The following PCGF5 variants were observed in gnomAD, a reference collection of about 807,000 sequenced individuals.
PCGF5 encodes the protein polycomb group RING finger protein 5.
Under a neutral mutation model 44.3 loss-of-function variants are expected in PCGF5, and 9 were observed. The observed-to-expected ratio is 0.20, with a 90% confidence interval of 0.12 to 0.35. PCGF5 has a LOEUF of 0.35. Among genes scored for constraint, PCGF5 ranks in the 10% least tolerant of loss-of-function variants. The pLI is 1.00. For synonymous variants in PCGF5, 95 were observed against 102.5 expected (o/e 0.93, Z 0.44); for missense variants, 146 against 305.3 (o/e 0.48, Z 3.89).
At chr10:91,169,129 A>G (rs1321934463) in intron 1 of PCGF5, among the ~76,000 whole-genome samples, 1 of 152,044 alleles carries the variant, frequency 6.6e-6, no homozygotes, top group Non-Finnish European at 1.5e-5. Flanking sequence ...GTGCTAGTTC[A>G]CACCAGTTTA....
chr10:91,229,228 C>G (rs1193915412), intron 2 of PCGF5, among the ~76,000 whole-genome samples: 1 of 152,180 alleles, frequency 6.6e-6, no homozygotes, highest in African/African-American at 2.4e-5. Flanking sequence ...CACTGCAACA[C>G]AGCAATAAAT....
chr10:91,226,314 A>AAAG (rs398014421), intron 2 of PCGF5, among the ~76,000 whole-genome samples: 80 of 150,542 alleles, frequency 5.3e-4, no homozygotes, highest in African/African-American at 1.8e-3. Flanking sequence ...AAAAAAAAAA[A>AAAG]TGCTGTTAAG....
intron 2 of PCGF5, among the ~76,000 whole-genome samples, chr10:91,236,644 T>A (rs1032261653): frequency 1.3e-5 from 2 of 152,262 alleles, no homozygotes; most frequent in Admixed American, 6.5e-5. Flanking sequence ...TAAAATGTGC[T>A]GTACTGCTAG....
chr10:91,239,261 T>C (rs917565760), intron 2 of PCGF5, among the ~76,000 whole-genome samples: 1 of 152,154 alleles, frequency 6.6e-6, no homozygotes, highest in Non-Finnish European at 1.5e-5. Flanking sequence ...ACTCCTAATA[T>C]AATGTCTAGC....
At position 91,279,576 on chromosome 10, in the gene PCGF5, A is replaced by C. The variant is rs552026304; in HGVS notation, c.*1260A>C. On this transcript the variant is annotated 3_prime_UTR_variant, in exon 10 of 10. Coordinates refer to ENST00000336126, the MANE Select transcript of PCGF5 (RefSeq NM_032373.5). ...CGTTTTAGGATTAGTCTGCAAGTCA[A>C]AGAAAGTCTTGTTACCTTAAATTAT... 7.9e-5 allele frequency: 12 copies of C among 152,270 alleles called. No individual in the cohort carries two copies. Among genetic ancestry groups the C allele is most frequent in the Admixed American group, 2.0e-4 (3 of 15,306 alleles). The allele number at this position is 152,270 out of a possible 1,614,324, so 9.4% of individuals were successfully genotyped here.
intron 3 of PCGF5, 52 bp downstream of exon 3, chr10:91,240,632 T>A: frequency 8.5e-7 from 1 of 1,179,712 alleles, no homozygotes; most frequent in Non-Finnish European, 1.2e-6. Flanking sequence ...TTGAATAGGC[T>A]CTTAATTTTT....
intron 1 of PCGF5, among the ~76,000 whole-genome samples, chr10:91,205,404 C>T (rs186176201): frequency 6.6e-6 from 1 of 152,310 alleles, no homozygotes; most frequent in Non-Finnish European, 1.5e-5. Flanking sequence ...AATAAAAACA[C>T]ACCCATAGAC....
intron 1 of PCGF5, among the ~76,000 whole-genome samples, chr10:91,208,385 C>T (rs1220395019): frequency 4.6e-5 from 7 of 152,022 alleles, no homozygotes; most frequent in East Asian, 3.9e-4. Context: ...ATACCTAATC[C>T]GGGAGTAAGA....
intron 1 of PCGF5, among the ~76,000 whole-genome samples, chr10:91,198,200 CCA>C (rs1844179407): frequency 6.6e-6 from 1 of 152,240 alleles, no homozygotes; most frequent in East Asian, 1.9e-4. Flanking sequence ...TAAATTGAAC[CCA>C]CAGTCCTTAC....
At chr10:91,187,995 C>T (rs1843957952) in intron 1 of PCGF5, among the ~76,000 whole-genome samples, 1 of 149,928 alleles carries the variant, frequency 6.7e-6, no homozygotes. Flanking sequence ...TATTATTATA[C>T]TTTTAAGTTT....
At chr10:91,211,564 A>T (rs1169779339) in intron 1 of PCGF5, among the ~76,000 whole-genome samples, 1 of 152,198 alleles carries the variant, frequency 6.6e-6, no homozygotes, top group African/African-American at 2.4e-5. Context: ...AAACCAACTT[A>T]GGTATCAGGT....
At position 91,284,243 on chromosome 10, in the gene PCGF5, A is replaced by T. The variant is rs1208016881; in HGVS notation, c.*5927A>T. 2 of 152,568 alleles carry T rather than the reference A, an allele frequency of 1.3e-5. No homozygotes were observed. The highest frequency in any genetic ancestry group is 1.5e-5 in the Non-Finnish European group (1 of 68,038). 9.5% of individuals were successfully genotyped at this position (152,568 alleles called of 1,614,324 possible). A position where few individuals can be genotyped will look rare whatever the true frequency, so the allele number is the denominator to read the frequency against. ...GTTAAAATACAGTATCTTTGTTATT[A>T]AAAATTAAATTGCATAATTTATTAT... On this transcript the variant is annotated 3_prime_UTR_variant, in exon 10 of 10. Transcript: ENST00000336126.
In PCGF5 at chr10:91,278,347, T is replaced by A; in HGVS notation, c.*31T>A. On this transcript the variant is annotated 3_prime_UTR_variant, in exon 10 of 10. Transcript: ENST00000336126. The stretch of plus-strand genomic sequence containing the variant: ...GGGGCCCAGACCTCACTGAGATGAA[T>A]CCTGCACTATTTGTTTACTCGTCAA... 17 of 1,450,800 alleles carry A rather than the reference T, an allele frequency of 1.2e-5. No homozygotes were observed. The highest frequency in any genetic ancestry group is 2.8e-5 in the African/African-American group (2 of 71,706). 89.9% of individuals were successfully genotyped at this position (1,450,800 alleles called of 1,614,324 possible). A position where few individuals can be genotyped will look rare whatever the true frequency, so the allele number is the denominator to read the frequency against.
upstream of PCGF5, among the ~76,000 whole-genome samples, chr10:91,162,748 A>C (rs1843408797): frequency 6.8e-6 from 1 of 146,688 alleles, no homozygotes; most frequent in Admixed American, 6.8e-5. Context: ...GGCGGCGGCG[A>C]GAGGCTGTGC....
At chr10:91,236,313 C>T (rs2421473) in intron 2 of PCGF5, among the ~76,000 whole-genome samples, 12,737 of 152,144 alleles carry the variant, frequency 0.084, 975 homozygotes, top group East Asian at 0.35. Context: ...TAGTAACTGT[C>T]CATACTATAA....
intron 1 of PCGF5, among the ~76,000 whole-genome samples, chr10:91,191,937 C>A (rs1234722342): frequency 6.6e-6 from 1 of 152,212 alleles, no homozygotes; most frequent in African/African-American, 2.4e-5. Context: ...CTGTAGTAAT[C>A]TTTATCCAAA....
At chr10:91,205,027 T>C (rs904318049) in intron 1 of PCGF5, among the ~76,000 whole-genome samples, 1 of 152,202 alleles carries the variant, frequency 6.6e-6, no homozygotes, top group Non-Finnish European at 1.5e-5. Context: ...ATAAACAATT[T>C]TTTAAAATTT....
At chr10:91,202,853 T>G (rs1276322637) in intron 1 of PCGF5, among the ~76,000 whole-genome samples, 1 of 152,190 alleles carries the variant, frequency 6.6e-6, no homozygotes, top group East Asian at 1.9e-4. Context: ...TTGAAGGAGT[T>G]AGATCATTCT....
upstream of PCGF5, among the ~76,000 whole-genome samples, chr10:91,161,030 G>C (rs1049826745): frequency 2.6e-5 from 4 of 152,178 alleles, no homozygotes; most frequent in Admixed American, 6.5e-5. Context: ...GGTGGGCTTG[G>C]AGGGTGGGAG....
Sources: allele counts gnomAD v4.1 joint callset (sites outside exome capture counted in the v4.1 genomes callset), GRCh38; gene constraint gnomAD v4.1.1; transcripts MANE v1.5; gene names NCBI Gene and HGNC (gene_info 2026-07-23, HGNC 2026-07-21).